CENPH: variants seen among roughly 807,000 people sequenced by gnomAD.
CENPH encodes the protein centromere protein H.
In CENPH, 40 loss-of-function variants were observed where a neutral mutation model predicts 42.9. The ratio of observed to expected loss-of-function variants is 0.93; its 90% confidence interval spans 0.72 to 1.21. The LOEUF (loss-of-function observed/expected upper bound fraction) is 1.21. CENPH is among the 50% of genes most tolerant of loss of function. The probability of loss-of-function intolerance (pLI) is 0.00; values close to 1 mark genes in which losing one functional copy is unlikely to be tolerated. For synonymous variants in CENPH, 88 were observed against 96.5 expected (o/e 0.91, Z 0.52); for missense variants, 302 against 292.9 (o/e 1.03, Z -0.23).
At chr5:69,193,014 T>C (rs1747902189) in intron 2 of CENPH, among the ~76,000 whole-genome samples, 1 of 151,900 alleles carries the variant, frequency 6.6e-6, no homozygotes, top group African/African-American at 2.4e-5. Context: ...GGAGAATCGC[T>C]TGAACCTGGG....
chr5:69,202,286 C>T (rs896340339), intron 5 of CENPH, among the ~76,000 whole-genome samples: 1 of 152,054 alleles, frequency 6.6e-6, no homozygotes, highest in African/African-American at 2.4e-5. Context: ...ATGTCTGTGA[C>T]CAAACATTTT....
In CENPH at chr5:69,199,168, G is replaced by A. The variant is rs149342592; in HGVS notation, c.371+2059G>A. Among the ~76,000 whole-genome samples, 16 of 152,118 alleles carry A rather than the reference G, an allele frequency of 1.1e-4. No individual in the cohort carries two copies. The South Asian group carries it at 1.2e-3, about 12-fold the overall frequency. ...CATCTCCTAGATGGACTAAAATTAA[G>A]GAGGTGTTTTGTTTTGTTTTGTTTT... On this transcript the variant is annotated intron_variant, in intron 5 of 8. Coordinates refer to ENST00000283006, the MANE Select transcript of CENPH (RefSeq NM_022909.4).
chr5:69,200,005 C>CGG (rs1055703217), intron 5 of CENPH, among the ~76,000 whole-genome samples: 2 of 149,676 alleles, frequency 1.3e-5, no homozygotes, highest in African/African-American at 4.9e-5. Flanking sequence ...CCCAGCTACT[C>CGG]GGGAGGCTGA....
chr5:69,193,046 G>A (rs551316514), intron 2 of CENPH, among the ~76,000 whole-genome samples: 9 of 151,940 alleles, frequency 5.9e-5, no homozygotes, highest in East Asian at 3.9e-4. Flanking sequence ...GCAGTGACGC[G>A]AGATCACGCC....
In CENPH at chr5:69,209,958, A is replaced by C. The variant is rs566688524; in HGVS notation, c.*159A>C. 29 of 419,672 alleles carry C rather than the reference A, an allele frequency of 6.9e-5. No homozygotes were observed. The South Asian group carries it at 1.9e-3, about 28-fold the overall frequency. The allele number at this position is 419,672 out of a possible 1,614,324, so 26.0% of individuals were successfully genotyped here. On this transcript the variant is annotated 3_prime_UTR_variant, in exon 9 of 9. Transcript: ENST00000283006. ...GGTTAGTTATTTGTAGTGGGATTGA[A>C]AGTAATTTTTTTCTTTTTATATTTC...
In CENPH at chr5:69,196,108, T is replaced by C. The variant is rs181139075; in HGVS notation, c.314+317T>C. ...CATGCAAAACCACGCTTGGCTAATT[T>C]TTTTTATTTTTTATGGAGATGGGGT... On this transcript the variant is annotated intron_variant, in intron 4 of 8. Transcript: ENST00000283006. Among the ~76,000 whole-genome samples, 117 of 152,144 alleles carry C rather than the reference T, an allele frequency of 7.7e-4. 1 individual carries two copies. Among genetic ancestry groups the C allele is most frequent in the Admixed American group, 5.2e-3 (79 of 15,262 alleles).
At chr5:69,197,357 A>G (rs2112085843) in intron 5 of CENPH, 2 of 344,278 alleles carry the variant, frequency 5.8e-6, no homozygotes, top group South Asian at 1.2e-4. Flanking sequence ...TTTAAGGGAA[A>G]GCTTTAAAAG....
chr5:69,195,783 AT>A lies in CENPH; in HGVS notation c.308del (p.Leu103Ter). On this transcript the variant is annotated frameshift_variant, in exon 4 of 9. Coordinates refer to ENST00000283006, the MANE Select transcript of CENPH (RefSeq NM_022909.4). LOFTEE classifies it high-confidence loss of function. ...KVAFEIKKLA[L>X]DRMRLSTALK... ...TTGCTTTTGAGATAAAAAAGCTTGC[AT>A]TAGACAGGTAATTATTACATTTTAA... The A allele has an allele frequency of 1.3e-6, 2 of 1,485,668 alleles. No individual in the cohort carries two copies. Among genetic ancestry groups the A allele is most frequent in the Non-Finnish European group, 1.8e-6 (2 of 1,082,012 alleles). 92.0% of individuals were successfully genotyped at this position (1,485,668 alleles called of 1,614,324 possible). A position where few individuals can be genotyped will look rare whatever the true frequency, so the allele number is the denominator to read the frequency against.
At chr5:69,198,186 C>G (rs1453183315) in intron 5 of CENPH, among the ~76,000 whole-genome samples, 1 of 152,006 alleles carries the variant, frequency 6.6e-6, no homozygotes, top group Non-Finnish European at 1.5e-5. Flanking sequence ...TCCCAAAGTC[C>G]TGGGATTACA....
Position 69,204,072 on chromosome 5 carries a change from A to T in CENPH, c.487+1102A>T, listed in dbSNP as rs1008642620. On this transcript the variant is annotated intron_variant, in intron 7 of 8. Transcript: ENST00000283006. ...TATATTATATATATAAATATATATAATATATAAATATATATAATTTCTAAA... is the reference window on the plus strand; with the variant it reads ...TATATTATATATATAAATATATATATTATATAAATATATATAATTTCTAAA... 2.7e-4 allele frequency among the ~76,000 whole-genome samples: 14 copies of T among 52,494 alleles called. 1 individual carries two copies. The highest frequency in any genetic ancestry group is 1.1e-3 in the East Asian group (2 of 1,862). The allele number at this position is 52,494 out of a possible 152,430, so 34.4% of individuals were successfully genotyped here. A position where few individuals can be genotyped will look rare whatever the true frequency, so the allele number is the denominator to read the frequency against.
intron 7 of CENPH, chr5:69,207,742 C>G (rs1205012020): frequency 1.3e-5 from 2 of 152,036 alleles, no homozygotes. Flanking sequence ...CCCTGGGAGG[C>G]GGAGGCTGCA....
intron 5 of CENPH, among the ~76,000 whole-genome samples, chr5:69,198,493 T>A (rs1580226248): frequency 6.6e-6 from 1 of 152,298 alleles, no homozygotes; most frequent in East Asian, 1.9e-4. Context: ...TTTCACTATG[T>A]TGGCCAGGCT....
intron 6 of CENPH, 67 bp downstream of exon 6, chr5:69,202,636 G>T: frequency 1.1e-6 from 1 of 919,320 alleles, no homozygotes; most frequent in African/African-American, 1.6e-5. Flanking sequence ...GCTGGTAACT[G>T]TATTGTATAT....
At chr5:69,197,700 C>T (rs1310180493) in intron 5 of CENPH, among the ~76,000 whole-genome samples, 1 of 151,834 alleles carries the variant, frequency 6.6e-6, no homozygotes, top group East Asian at 1.9e-4. Context: ...ATACCTAATG[C>T]TAAATGACGA....
chr5:69,205,636 C>T (rs1446734711), intron 7 of CENPH, among the ~76,000 whole-genome samples: 1 of 151,976 alleles, frequency 6.6e-6, no homozygotes, highest in Non-Finnish European at 1.5e-5. Flanking sequence ...ACCTCAGCAT[C>T]CCTGATAGTT....
At chr5:69,203,855 A>C (rs895329272) in intron 7 of CENPH, among the ~76,000 whole-genome samples, 1 of 151,060 alleles carries the variant, frequency 6.6e-6, no homozygotes, top group Non-Finnish European at 1.5e-5. Context: ...AGAAGGGGAA[A>C]AATAAAAGGA....
intron 2 of CENPH, among the ~76,000 whole-genome samples, chr5:69,194,349 A>G (rs568388206): frequency 3.7e-4 from 57 of 152,258 alleles, no homozygotes; most frequent in African/African-American, 1.2e-3. Flanking sequence ...CAGTTTCACT[A>G]TGTTGCCCAG....
chr5:69,192,507 T>C (rs1395660474), intron 2 of CENPH, among the ~76,000 whole-genome samples: 1 of 152,190 alleles, frequency 6.6e-6, no homozygotes, highest in Non-Finnish European at 1.5e-5. Context: ...TGAAAGAAGA[T>C]GTTTATCTAA....
chr5:69,198,796 A>G (rs1308169556), intron 5 of CENPH, among the ~76,000 whole-genome samples: 1 of 152,088 alleles, frequency 6.6e-6, no homozygotes, highest in Non-Finnish European at 1.5e-5. Context: ...TTAGCCAGGC[A>G]TGGTGGAGCC....
Sources: allele counts gnomAD v4.1 joint callset (sites outside exome capture counted in the v4.1 genomes callset), GRCh38; gene constraint gnomAD v4.1.1; transcripts MANE v1.5; gene names NCBI Gene and HGNC (gene_info 2026-07-23, HGNC 2026-07-21).